TSPAN18: variants seen among roughly 807,000 people sequenced by gnomAD.
The protein encoded by TSPAN18 is tetraspanin 18.
A neutral mutation model predicts 27.3 loss-of-function variants in TSPAN18; 14 were observed. That is an observed-to-expected ratio of 0.51 (90% CI 0.34 to 0.80). The LOEUF (loss-of-function observed/expected upper bound fraction) is 0.80. TSPAN18 is among the 30% of genes least tolerant of loss of function. TSPAN18 has a pLI of 0.01. For missense variants in TSPAN18, 268 were observed against 323.9 expected (o/e 0.83, Z 1.32); for synonymous variants, 143 against 136.5 (o/e 1.05, Z -0.33).
intron 2 of TSPAN18, among the ~76,000 whole-genome samples, chr11:44,801,632 GAA>G (rs924072512): frequency 2.1e-4 from 32 of 152,214 alleles, no homozygotes; most frequent in Admixed American, 8.5e-4. Context: ...TCCAAAGACA[GAA>G]GGAAACTGCC....
At chr11:44,821,455 T>G (rs1022929513) in intron 2 of TSPAN18, among the ~76,000 whole-genome samples, 1 of 152,180 alleles carries the variant, frequency 6.6e-6, no homozygotes, top group African/African-American at 2.4e-5. Context: ...CTGCGATTGT[T>G]CTGTTTCTTT....
chr11:44,868,050 C>G (rs539497612), intron 3 of TSPAN18, among the ~76,000 whole-genome samples: 33 of 152,274 alleles, frequency 2.2e-4, no homozygotes, highest in Non-Finnish European at 4.0e-4. Context: ...AGGCCTCCAG[C>G]TGGTGACAGG....
intron 1 of TSPAN18, among the ~76,000 whole-genome samples, chr11:44,729,546 G>A (rs1458664296): frequency 6.6e-6 from 1 of 152,144 alleles, no homozygotes; most frequent in Non-Finnish European, 1.5e-5. Context: ...CTCTGATTTA[G>A]CAACATTTCA....
chr11:44,752,506 CA>C (rs1855235261), intron 1 of TSPAN18, among the ~76,000 whole-genome samples: 1 of 152,172 alleles, frequency 6.6e-6, no homozygotes, highest in African/African-American at 2.4e-5. Flanking sequence ...TCATGAATCA[CA>C]ATAAAAACAA....
At chr11:44,807,527 C>CAAAAAAAAAA (rs59241339) in intron 2 of TSPAN18, among the ~76,000 whole-genome samples, 66 of 64,434 alleles carry the variant, frequency 1.0e-3, no homozygotes, top group East Asian at 2.4e-3. Context: ...AACTCCATCT[C>CAAAAAAAAAA]AAAAAAAAAA....
At chr11:44,902,788 A>T (rs1859309812) in intron 3 of TSPAN18, among the ~76,000 whole-genome samples, 1 of 152,156 alleles carries the variant, frequency 6.6e-6, no homozygotes, top group South Asian at 2.1e-4. Flanking sequence ...CAAGCGGGGC[A>T]TTAGGGGGGC....
chr11:44,779,624 C>T (rs907379181), intron 2 of TSPAN18, among the ~76,000 whole-genome samples: 2 of 152,108 alleles, frequency 1.3e-5, no homozygotes, highest in Non-Finnish European at 2.9e-5. Context: ...GCATGCTATG[C>T]CTTAATGCCT....
intron 1 of TSPAN18, among the ~76,000 whole-genome samples, chr11:44,731,847 A>G (rs557689155): frequency 9.3e-4 from 142 of 152,224 alleles, no homozygotes; most frequent in African/African-American, 3.2e-3. Context: ...ATGATATTTC[A>G]TCAGCTAGCA....
chr11:44,727,477 G>T (rs1854544145), intron 1 of TSPAN18, among the ~76,000 whole-genome samples, 190 bp downstream of exon 1: 1 of 152,222 alleles, frequency 6.6e-6, no homozygotes, highest in South Asian at 2.1e-4. Context: ...TGGGGGGCCG[G>T]GGACGGTCTC....
intron 1 of TSPAN18, among the ~76,000 whole-genome samples, chr11:44,729,174 G>A (rs1854591919): frequency 1.3e-5 from 2 of 152,346 alleles, no homozygotes; most frequent in South Asian, 4.1e-4. Context: ...AAGAGGAGGA[G>A]GAGAGAGGAG....
chr11:44,818,214 G>A (rs1332054269), intron 2 of TSPAN18, among the ~76,000 whole-genome samples: 1 of 152,234 alleles, frequency 6.6e-6, no homozygotes, highest in Non-Finnish European at 1.5e-5. Context: ...AACTTGGCTG[G>A]TGCAGAACTG....
intron 3 of TSPAN18, among the ~76,000 whole-genome samples, chr11:44,904,180 G>A (rs1486398783): frequency 1.3e-5 from 2 of 152,132 alleles, no homozygotes; most frequent in East Asian, 1.9e-4. Context: ...AGGTAACTTG[G>A]TGCCTCAGTT....
intron 2 of TSPAN18, among the ~76,000 whole-genome samples, chr11:44,844,720 A>G (rs1300797535): frequency 6.6e-6 from 1 of 152,080 alleles, no homozygotes; most frequent in Non-Finnish European, 1.5e-5. Context: ...TTCTTTATAT[A>G]TTTCGGATAT....
intron 2 of TSPAN18, among the ~76,000 whole-genome samples, chr11:44,836,937 A>G (rs933741323): frequency 3.9e-5 from 6 of 152,192 alleles, no homozygotes; most frequent in South Asian, 4.1e-4. Flanking sequence ...ATGACTACTC[A>G]TTGACAGTGC....
intron 2 of TSPAN18, among the ~76,000 whole-genome samples, chr11:44,847,336 ACCT>A (rs1447922018): frequency 2.6e-5 from 4 of 152,160 alleles, no homozygotes; most frequent in African/African-American, 9.7e-5. Context: ...GAGCTCATTG[ACCT>A]CCTGTGAGTT....
chr11:44,738,428 A>T (rs1854850611), intron 1 of TSPAN18, among the ~76,000 whole-genome samples: 1 of 152,080 alleles, frequency 6.6e-6, no homozygotes, highest in Admixed American at 6.5e-5. Context: ...AAGCTCCTCA[A>T]CCTCTCTGTG....
intron 5 of TSPAN18, 43 bp downstream of exon 5, chr11:44,909,942 G>C (rs375536947): frequency 6.4e-7 from 1 of 1,564,770 alleles, no homozygotes; most frequent in Non-Finnish European, 8.7e-7. Context: ...TGCTCTGAGG[G>C]GTGTCAGGGA....
intron 3 of TSPAN18, among the ~76,000 whole-genome samples, chr11:44,870,765 TCAAA>T (rs1858172156): frequency 6.6e-6 from 1 of 152,196 alleles, no homozygotes; most frequent in Non-Finnish European, 1.5e-5. Context: ...CTTTTTTATT[TCAAA>T]CACATTGTTT....
chr11:44,926,074 G>T (rs1029519036), intron 8 of TSPAN18, among the ~76,000 whole-genome samples: 23 of 152,202 alleles, frequency 1.5e-4, no homozygotes, highest in African/African-American at 4.8e-4. Flanking sequence ...GGACTGGGCT[G>T]GTTCAGAAAG....
Sources: allele counts gnomAD v4.1 joint callset (sites outside exome capture counted in the v4.1 genomes callset), GRCh38; gene constraint gnomAD v4.1.1; transcripts MANE v1.5; gene names NCBI Gene and HGNC (gene_info 2026-07-23, HGNC 2026-07-21).